The following SLC35D4 variants were observed in gnomAD, a reference collection of about 807,000 sequenced individuals.
SLC35D4 encodes solute carrier family 35 member D4, also known as UDP-N-acetylglucosamine transporter SLC35D4.
the SLC35D4 span, among the ~76,000 whole-genome samples, chr18:23,345,031 G>T: frequency 3.2e-4 from 48 of 152,182 alleles, no homozygotes; most frequent in Non-Finnish European, 4.6e-4. Flanking sequence ...GGCCATTAAG[G>T]CTTTTTGTTA....
chr18:23,270,031 C>A, the SLC35D4 span, among the ~76,000 whole-genome samples: 3 of 152,188 alleles, frequency 2.0e-5, no homozygotes, highest in Non-Finnish European at 4.4e-5. Flanking sequence ...ATCACCAAGA[C>A]AATGAGGAAA....
the SLC35D4 span, chr18:23,373,792 C>A: frequency 6.2e-7 from 1 of 1,608,114 alleles, no homozygotes; most frequent in East Asian, 2.2e-5. Flanking sequence ...AACACTGCAG[C>A]TTCACCTTTC....
chr18:23,289,903 C>T, the SLC35D4 span, among the ~76,000 whole-genome samples: 1 of 152,122 alleles, frequency 6.6e-6, no homozygotes, highest in Non-Finnish European at 1.5e-5. Context: ...CCTTTACCTA[C>T]CCAAATCCTA....
At chr18:23,406,979 T>C in the SLC35D4 span, among the ~76,000 whole-genome samples, 1 of 152,088 alleles carries the variant, frequency 6.6e-6, no homozygotes, top group Admixed American at 6.6e-5. Context: ...CTAATTACCT[T>C]ATTTTATTTT....
At chr18:23,395,668 A>G in the SLC35D4 span, among the ~76,000 whole-genome samples, 1 of 152,224 alleles carries the variant, frequency 6.6e-6, no homozygotes, top group Non-Finnish European at 1.5e-5. Flanking sequence ...TTTTCTGAAC[A>G]CTGGCCAGCA....
the SLC35D4 span, chr18:23,385,166 T>A: frequency 8.7e-7 from 1 of 1,152,202 alleles, no homozygotes; most frequent in Non-Finnish European, 1.2e-6. Flanking sequence ...CTGTGGAAAC[T>A]TTTGGCATCC....
the SLC35D4 span, among the ~76,000 whole-genome samples, chr18:23,270,791 T>G: frequency 6.6e-6 from 1 of 152,246 alleles, no homozygotes; most frequent in African/African-American, 2.4e-5. Context: ...TCCCCAGTCT[T>G]GACAAATTGG....
chr18:23,328,113 A>C, the SLC35D4 span, among the ~76,000 whole-genome samples: 1 of 152,214 alleles, frequency 6.6e-6, no homozygotes, highest in Non-Finnish European at 1.5e-5. Flanking sequence ...AATGGGCAAA[A>C]ACTGGAAGCA....
At chr18:23,392,728 C>G in the SLC35D4 span, among the ~76,000 whole-genome samples, 1 of 152,178 alleles carries the variant, frequency 6.6e-6, no homozygotes, top group Non-Finnish European at 1.5e-5. Context: ...GCGGACTTGC[C>G]TGCTCTCAGG....
chr18:23,334,611 G>A, the SLC35D4 span, among the ~76,000 whole-genome samples: 6 of 152,272 alleles, frequency 3.9e-5, no homozygotes, highest in East Asian at 1.2e-3. Context: ...CTTAAAATCA[G>A]ACACAGTCTA....
At chr18:23,418,349 A>AATTATTATTATTATTATT in the SLC35D4 span, among the ~76,000 whole-genome samples, 346 of 142,578 alleles carry the variant, frequency 2.4e-3, 1 homozygote, top group African/African-American at 7.9e-3. Context: ...GAGAAGCCAA[A>AATTATTATTATTATTATT]ATTATTATTA....
At chr18:23,372,215 C>A in the SLC35D4 span, among the ~76,000 whole-genome samples, 1 of 151,992 alleles carries the variant, frequency 6.6e-6, no homozygotes, top group Non-Finnish European at 1.5e-5. Context: ...GGATTACAGG[C>A]GTGAGCCACC....
At chr18:23,298,150 T>C in the SLC35D4 span, 3 of 1,506,746 alleles carry the variant, frequency 2.0e-6, no homozygotes, top group South Asian at 3.4e-5. Flanking sequence ...GGGCAAGGGG[T>C]GCTTCCCCTC....
the SLC35D4 span, among the ~76,000 whole-genome samples, chr18:23,246,178 C>T: frequency 3.3e-5 from 5 of 151,556 alleles, no homozygotes; most frequent in Admixed American, 6.6e-5. Flanking sequence ...GCAAAAGAAT[C>T]GCTTGAACCT....
the SLC35D4 span, among the ~76,000 whole-genome samples, chr18:23,266,180 G>A: frequency 2.6e-5 from 4 of 152,226 alleles, no homozygotes; most frequent in South Asian, 8.3e-4. Flanking sequence ...GCTGACACTA[G>A]GAGGAGCAGG....
the SLC35D4 span, among the ~76,000 whole-genome samples, chr18:23,406,521 A>AT: frequency 6.6e-6 from 1 of 152,234 alleles, no homozygotes; most frequent in Non-Finnish European, 1.5e-5. Flanking sequence ...TGACTAAAAA[A>AT]GAAAAACCAA....
At chr18:23,361,103 CAAAAAAAA>C in the SLC35D4 span, among the ~76,000 whole-genome samples, 2 of 94,124 alleles carry the variant, frequency 2.1e-5, no homozygotes, top group South Asian at 4.1e-4. Context: ...GACTTTGTCT[CAAAAAAAA>C]AAAAAAAAAA....
chr18:23,430,965 C>T, the SLC35D4 span, among the ~76,000 whole-genome samples: 1 of 151,658 alleles, frequency 6.6e-6, no homozygotes, highest in Non-Finnish European at 1.5e-5. Flanking sequence ...ACCAGCCTGG[C>T]CAATATGGTG....
the SLC35D4 span, among the ~76,000 whole-genome samples, chr18:23,375,409 T>C: frequency 1.3e-5 from 2 of 152,168 alleles, no homozygotes; most frequent in Non-Finnish European, 2.9e-5. Flanking sequence ...TATGTGATAT[T>C]TATGTATGTT....
Sources: allele counts gnomAD v4.1 joint callset (sites outside exome capture counted in the v4.1 genomes callset), GRCh38; gene constraint gnomAD v4.1.1; transcripts MANE v1.5; gene names NCBI Gene and HGNC (gene_info 2026-07-23, HGNC 2026-07-21).